The following SCRG1 variants were observed in gnomAD, a reference collection of about 807,000 sequenced individuals.
The protein encoded by SCRG1 is stimulator of chondrogenesis 1, also known as scrapie-responsive protein 1.
In SCRG1, 3 loss-of-function variants were observed where a neutral mutation model predicts 7.7. The ratio of observed to expected loss-of-function variants is 0.39; its 90% CI spans 0.18 to 1.01. SCRG1 has a LOEUF of 1.01. Among genes scored for constraint, SCRG1 ranks in the 50% least tolerant of loss-of-function variants. SCRG1 has a pLI of 0.36. For missense variants in SCRG1, 110 were observed against 117.2 expected, an observed-to-expected ratio of 0.94 and a Z score of 0.28; for synonymous variants, 46 against 41.2, an observed-to-expected ratio of 1.12 and a Z score of -0.44.
the SCRG1 span, among the ~76,000 whole-genome samples, chr4:173,440,064 G>T: frequency 6.6e-6 from 1 of 152,092 alleles, no homozygotes. Context: ...TTAGTTTTAT[G>T]GTGTATTTAA....
the SCRG1 span, chr4:173,420,237 C>A: frequency 3.6e-6 from 1 of 276,352 alleles, no homozygotes; most frequent in South Asian, 3.8e-5. Context: ...ATTCCCTTTA[C>A]CTTGATCTAC....
the SCRG1 span, among the ~76,000 whole-genome samples, chr4:173,477,480 C>T: frequency 6.6e-6 from 1 of 151,984 alleles, no homozygotes; most frequent in African/African-American, 2.4e-5. Context: ...TAGCACACAC[C>T]CTATGGAGAG....
the SCRG1 span, among the ~76,000 whole-genome samples, chr4:173,457,928 T>C: frequency 2.0e-5 from 3 of 152,050 alleles, no homozygotes; most frequent in Non-Finnish European, 4.4e-5. Context: ...CCCTGAGAGC[T>C]TTCTATTGAT....
the SCRG1 span, among the ~76,000 whole-genome samples, chr4:173,421,424 G>GGC: frequency 6.6e-6 from 1 of 151,078 alleles, no homozygotes; most frequent in Non-Finnish European, 1.5e-5. Context: ...GTTGGGGGGG[G>GGC]GTTGATTTGT....
At chr4:173,419,846 A>C in the SCRG1 span, 1 of 1,337,882 alleles carries the variant, frequency 7.5e-7, no homozygotes, top group African/African-American at 1.4e-5. Context: ...TAACCTATTG[A>C]GAAGCCTGCG....
At chr4:173,497,009 G>A in the SCRG1 span, among the ~76,000 whole-genome samples, 1 of 152,132 alleles carries the variant, frequency 6.6e-6, no homozygotes, top group Admixed American at 6.5e-5. Flanking sequence ...GGGAGGCTGA[G>A]GCAGGAGAAT....
the SCRG1 span, chr4:173,419,939 G>T: frequency 1.3e-6 from 1 of 748,208 alleles, no homozygotes; most frequent in Non-Finnish European, 2.4e-6. Flanking sequence ...GACTATCATA[G>T]CCCCCTCTAT....
chr4:173,392,857 A>G (rs1739492752), intron 1 of SCRG1, among the ~76,000 whole-genome samples: 1 of 152,184 alleles, frequency 6.6e-6, no homozygotes, highest in African/African-American at 2.4e-5. Context: ...TTGGGAGGCC[A>G]AACCCGGCAG....
the SCRG1 span, among the ~76,000 whole-genome samples, chr4:173,485,657 A>G: frequency 6.6e-6 from 1 of 152,106 alleles, no homozygotes; most frequent in African/African-American, 2.4e-5. Context: ...ATGAACTACT[A>G]CTGAAGTTGA....
At chr4:173,471,444 G>C in the SCRG1 span, among the ~76,000 whole-genome samples, 9 of 152,132 alleles carry the variant, frequency 5.9e-5, no homozygotes, top group African/African-American at 2.2e-4. Flanking sequence ...CCTGGAGGCA[G>C]CTCATAGTAC....
upstream of SCRG1, among the ~76,000 whole-genome samples, chr4:173,407,580 C>T (rs1328538979): frequency 3.3e-5 from 5 of 152,182 alleles, no homozygotes; most frequent in South Asian, 2.1e-4. Context: ...TTTGTATGCA[C>T]GTTTTGTGTG....
chr4:173,393,413 C>G (rs1422494847), intron 1 of SCRG1, among the ~76,000 whole-genome samples: 1 of 152,104 alleles, frequency 6.6e-6, no homozygotes, highest in East Asian at 1.9e-4. Context: ...AGATCTACCT[C>G]ATTTTATATA....
intron 2 of SCRG1, among the ~76,000 whole-genome samples, chr4:173,389,144 GATTA>G (rs1340217007): frequency 6.6e-6 from 1 of 152,138 alleles, no homozygotes; most frequent in Admixed American, 6.5e-5. Context: ...CACTTCATGA[GATTA>G]ATTAACTCAA....
the SCRG1 span, among the ~76,000 whole-genome samples, chr4:173,447,196 A>G: frequency 6.6e-6 from 1 of 152,102 alleles, no homozygotes; most frequent in African/African-American, 2.4e-5. Flanking sequence ...TCTTTTCCTG[A>G]TTTATAGACA....
upstream of SCRG1, among the ~76,000 whole-genome samples, chr4:173,409,079 T>A (rs1739985098): frequency 6.6e-6 from 1 of 152,014 alleles, no homozygotes; most frequent in African/African-American, 2.4e-5. Context: ...GGATTTTCTT[T>A]CCTGACCTAA....
At chr4:173,479,995 C>A in the SCRG1 span, among the ~76,000 whole-genome samples, 3 of 151,690 alleles carry the variant, frequency 2.0e-5, no homozygotes, top group Admixed American at 6.6e-5. Flanking sequence ...TGTGAGAGAG[C>A]CTCTCGGTCT....
the SCRG1 span, among the ~76,000 whole-genome samples, chr4:173,472,579 G>T: frequency 6.6e-6 from 1 of 152,190 alleles, no homozygotes; most frequent in Non-Finnish European, 1.5e-5. Flanking sequence ...CTAAAAGCTG[G>T]CTGACCCAAG....
the SCRG1 span, among the ~76,000 whole-genome samples, chr4:173,414,673 G>C: frequency 6.6e-6 from 1 of 152,224 alleles, no homozygotes; most frequent in African/African-American, 2.4e-5. Context: ...AACTAGAAGG[G>C]TGCTTCTTGT....
chr4:173,481,340 C>A, the SCRG1 span, among the ~76,000 whole-genome samples: 12 of 152,104 alleles, frequency 7.9e-5, no homozygotes, highest in Non-Finnish European at 1.6e-4. Flanking sequence ...CTGTTGTAAT[C>A]AACTTTTCCA....
Sources: gnomAD v4.1 joint callset for allele counts (sites outside exome capture counted in the v4.1 genomes callset) on GRCh38, gnomAD v4.1.1 for gene constraint, MANE v1.5 for transcripts, NCBI Gene and HGNC (gene_info 2026-07-23, HGNC 2026-07-21) for gene names.